SECISBP2: variants seen among roughly 807,000 people sequenced by gnomAD.
The protein encoded by SECISBP2 is SECIS binding protein 2.
Under a neutral mutation model 98.2 loss-of-function variants are expected in SECISBP2, and 96 were observed. The observed-to-expected ratio is 0.98, with a 90% CI of 0.83 to 1.16. SECISBP2 has a LOEUF of 1.16. Among genes scored for constraint, SECISBP2 ranks in the 50% most tolerant of loss-of-function variants. The probability of loss-of-function intolerance (pLI) is 0.00; values close to 1 mark genes in which losing one functional copy is unlikely to be tolerated. For missense variants in SECISBP2, 1,046 were observed against 1,022.9 expected (o/e 1.02, Z -0.31); for synonymous variants, 407 against 370.2 (o/e 1.10, Z -1.14).
At chr9:89,365,966 A>G in the SECISBP2 span, among the ~76,000 whole-genome samples, 2 of 152,230 alleles carry the variant, frequency 1.3e-5, no homozygotes, top group Non-Finnish European at 2.9e-5. Flanking sequence ...CAGGATCACC[A>G]GAGAATGCTC....
chr9:89,366,868 G>A, the SECISBP2 span, among the ~76,000 whole-genome samples: 1 of 152,156 alleles, frequency 6.6e-6, no homozygotes, highest in Non-Finnish European at 1.5e-5. Context: ...TGGAGTCACT[G>A]AGTCACAGGA....
At chr9:89,353,758 C>T (rs1831645753) in intron 14 of SECISBP2, among the ~76,000 whole-genome samples, 1 of 152,232 alleles carries the variant, frequency 6.6e-6, no homozygotes, top group African/African-American at 2.4e-5. Context: ...CCTGCAGTCA[C>T]CCCACTTTCT....
At chr9:89,333,114 C>T (rs1828029437) in intron 6 of SECISBP2, 128 bp downstream of exon 6, 8 of 774,894 alleles carry the variant, frequency 1.0e-5, no homozygotes, top group Non-Finnish European at 1.8e-5. Flanking sequence ...TGTGGGTAAC[C>T]TAACATCAGT....
rs776693254 is a variant in SECISBP2, at chr9:89,325,655, A to G, written c.411A>G (p.Gln137=). The G allele has an allele frequency of 1.9e-6, 3 of 1,614,194 alleles. No homozygotes were observed. Among genetic ancestry groups the G allele is most frequent in the Non-Finnish European group, 2.5e-6 (3 of 1,180,030 alleles). The change falls in exon 3 of 17, where the codon CAA becomes CAG. Residue 137 remains glutamine (Q), a synonymous_variant. Coordinates refer to ENST00000375807, the MANE Select transcript of SECISBP2 (RefSeq NM_024077.5). ...HRNENTCPLP[Q]EMKALFKKKT... is the part of the protein sequence containing the mutation. Reference sequence around the variant, plus strand: ...ATGAGAACACATGCCCTCTCCCACAAGAAATGAAAGCTCTGTTTAAGGTGA... The same window carrying G: ...ATGAGAACACATGCCCTCTCCCACAGGAAATGAAAGCTCTGTTTAAGGTGA...
chr9:89,333,589 G>A (rs150623026), intron 6 of SECISBP2, among the ~76,000 whole-genome samples: 9 of 152,274 alleles, frequency 5.9e-5, no homozygotes, highest in Non-Finnish European at 1.0e-4. Context: ...AGGTGTTCTC[G>A]TGAGAGAGGG....
At chr9:89,341,771 C>A (rs1420012549) in intron 10 of SECISBP2, among the ~76,000 whole-genome samples, 1 of 152,080 alleles carries the variant, frequency 6.6e-6, no homozygotes, top group South Asian at 2.1e-4. Flanking sequence ...ATAGTCATAC[C>A]TCCTACCTCA....
the SECISBP2 span, among the ~76,000 whole-genome samples, chr9:89,366,937 T>C: frequency 6.9e-3 from 1,047 of 152,260 alleles, 15 homozygotes; most frequent in African/African-American, 0.024. Flanking sequence ...TGGCCTAAGC[T>C]GGATTGGATT....
chr9:89,363,490 A>G (rs1259315561), downstream of SECISBP2: 3 of 1,614,002 alleles, frequency 1.9e-6, no homozygotes, highest in Admixed American at 1.7e-5. Context: ...CCCTCCAGGC[A>G]GAGAGCTCTC....
At chr9:89,344,569 CT>C (rs1830161622) in intron 10 of SECISBP2, among the ~76,000 whole-genome samples, 1 of 152,186 alleles carries the variant, frequency 6.6e-6, no homozygotes, top group East Asian at 1.9e-4. Flanking sequence ...ATAGGGAGTC[CT>C]TTCCCCATTG....
intron 5 of SECISBP2, chr9:89,330,063 ATTGG>A (rs1827493964): frequency 6.6e-6 from 1 of 152,178 alleles, no homozygotes; most frequent in Non-Finnish European, 1.5e-5. Flanking sequence ...GAAAAAAGGA[ATTGG>A]TTTTGTTTTA....
intron 1 of SECISBP2, 117 bp downstream of exon 1, chr9:89,318,729 G>A: frequency 8.0e-7 from 1 of 1,243,186 alleles, no homozygotes; most frequent in Non-Finnish European, 1.0e-6. Flanking sequence ...TGCTGGTGAC[G>A]GCACGGGAGC....
chr9:89,362,941 G>T (rs1832935157), downstream of SECISBP2, among the ~76,000 whole-genome samples: 1 of 152,174 alleles, frequency 6.6e-6, no homozygotes. Context: ...CTGCCCCACT[G>T]CCTGCAGCTT....
At chr9:89,347,944 G>C in intron 11 of SECISBP2, 135 bp from the exon 12 acceptor site, 1 of 823,602 alleles carries the variant, frequency 1.2e-6, no homozygotes, top group Non-Finnish European at 2.0e-6. Context: ...CTGGAGTCTG[G>C]GGAGCACTTG....
chr9:89,325,276 G>T, intron 2 of SECISBP2, 151 bp from the exon 3 acceptor site: 2 of 704,908 alleles, frequency 2.8e-6, no homozygotes, highest in Non-Finnish European at 2.3e-6. Flanking sequence ...AACACCCAGA[G>T]ATTTTATTTG....
chr9:89,327,857 C>A (rs1475871688), intron 4 of SECISBP2, among the ~76,000 whole-genome samples: 1 of 149,898 alleles, frequency 6.7e-6, no homozygotes, highest in East Asian at 2.0e-4. Context: ...GTTACACAGG[C>A]TGGAGTGCAG....
chr9:89,341,449 A>G lies in SECISBP2; in HGVS notation c.1405A>G (p.Lys469Glu), dbSNP rs1157070239. 2.5e-6 allele frequency: 4 copies of G among 1,614,042 alleles called. No homozygotes were observed. The highest frequency in any genetic ancestry group is 3.4e-6 in the Non-Finnish European group (4 of 1,180,028). ...LEKKQHSQHA[K>E]QSSKPVVVSV... ...GAAGAAGCAGCACTCTCAGCATGCA[A>G]AGCAGTCCTCCAAACCAGTGGTAGT... The change falls in exon 10 of 17, where the codon AAG becomes GAG. Residue 469 changes from lysine (K) to glutamate (E), a missense_variant. Physicochemically the swap from Lys to Glu is moderately conservative, Grantham distance 56. Transcript: ENST00000375807.
downstream of SECISBP2, among the ~76,000 whole-genome samples, chr9:89,363,275 C>A (rs368390278): frequency 1.3e-5 from 2 of 152,164 alleles, no homozygotes; most frequent in Admixed American, 6.5e-5. Context: ...TTTCCCCCCC[C>A]AGTGTTGCAG....
At chr9:89,319,591 G>C in intron 1 of SECISBP2, 61 bp from the exon 2 acceptor site, 4 of 1,594,178 alleles carry the variant, frequency 2.5e-6, no homozygotes, top group African/African-American at 1.3e-5. Flanking sequence ...GGGTCTTTTT[G>C]TTTGTTTATA....
intron 5 of SECISBP2, chr9:89,329,994 G>C (rs1487642239): frequency 6.6e-6 from 1 of 152,074 alleles, no homozygotes; most frequent in Non-Finnish European, 1.5e-5. Flanking sequence ...TAAATGAAAG[G>C]CTGTATAGTA....
Sources: allele counts gnomAD v4.1 joint callset (sites outside exome capture counted in the v4.1 genomes callset), GRCh38; gene constraint gnomAD v4.1.1; transcripts MANE v1.5; gene names NCBI Gene and HGNC (gene_info 2026-07-23, HGNC 2026-07-21).